Variants in SLC4A5 observed in about 807,000 individuals in gnomAD.
SLC4A5 encodes the protein electrogenic sodium bicarbonate cotransporter 4.
In SLC4A5, 96 loss-of-function variants were observed where a neutral mutation model predicts 120.4. The ratio of observed to expected loss-of-function variants is 0.80; its 90% confidence interval spans 0.68 to 0.94. The LOEUF is 0.94. Ranked by LOEUF, SLC4A5 falls within the 40% of genes least tolerant of loss-of-function variation. The pLI, the probability that SLC4A5 is intolerant of heterozygous loss-of-function variation, is 0.00. For missense variants in SLC4A5, 1,259 were observed against 1,459.5 expected, an observed-to-expected ratio of 0.86 and a Z score of 2.24; for synonymous variants, 550 against 571.1, an observed-to-expected ratio of 0.96 and a Z score of 0.53.
At chr2:74,334,798 A>G (rs1361915190) in intron 3 of SLC4A5, among the ~76,000 whole-genome samples, 8 of 152,030 alleles carry the variant, frequency 5.3e-5, no homozygotes, top group Non-Finnish European at 1.0e-4. Context: ...ATCTACCTCA[A>G]TGGTTATCTG....
At chr2:74,315,602 T>G (rs1312230490) in intron 5 of SLC4A5, among the ~76,000 whole-genome samples, 2 of 150,470 alleles carry the variant, frequency 1.3e-5, no homozygotes, top group Non-Finnish European at 3.0e-5. Context: ...TTTATTATGC[T>G]TATATAATAA....
chr2:74,291,028 G>A (rs1335825507), intron 7 of SLC4A5, among the ~76,000 whole-genome samples: 1 of 152,176 alleles, frequency 6.6e-6, no homozygotes, highest in African/African-American at 2.4e-5. Context: ...AAGGTGGAGT[G>A]GGGTTGCTGG....
At chr2:74,325,464 A>C (rs895956239) in intron 5 of SLC4A5, among the ~76,000 whole-genome samples, 5 of 152,174 alleles carry the variant, frequency 3.3e-5, no homozygotes, top group Non-Finnish European at 7.3e-5. Context: ...AGAAGAACCC[A>C]AACTCCCTGA....
chr2:74,299,513 A>T (rs572390727), intron 7 of SLC4A5, among the ~76,000 whole-genome samples: 1 of 152,346 alleles, frequency 6.6e-6, no homozygotes, highest in African/African-American at 2.4e-5. Context: ...GAGTCCATCA[A>T]GCCTCTTTTT....
chr2:74,234,538 A>G (rs953027662), intron 22 of SLC4A5, among the ~76,000 whole-genome samples: 1 of 152,286 alleles, frequency 6.6e-6, no homozygotes, highest in Admixed American at 6.5e-5. Context: ...CACCAGTTCT[A>G]ACTAGTGGGT....
chr2:74,219,161 T>A (rs115340124), intron 30 of SLC4A5, among the ~76,000 whole-genome samples: 235 of 149,684 alleles, frequency 1.6e-3, no homozygotes, highest in African/African-American at 5.6e-3. Context: ...ATTGCAGTGT[T>A]CTTTGCTCTT....
intron 8 of SLC4A5, among the ~76,000 whole-genome samples, chr2:74,272,607 C>T (rs557484287): frequency 6.6e-6 from 1 of 152,320 alleles, no homozygotes; most frequent in South Asian, 2.1e-4. Flanking sequence ...TGTAGACCCC[C>T]AACTCTGCAT....
At chr2:74,254,652 A>C (rs1285584847) in exon 14 of SLC4A5, 1 of 1,614,114 alleles carries the variant, frequency 6.2e-7, no homozygotes, top group Non-Finnish European at 8.5e-7. Flanking sequence ...TGGCACGGCC[A>C]ATTTCATTGT....
intron 24 of SLC4A5, among the ~76,000 whole-genome samples, chr2:74,231,895 G>A (rs753131203): frequency 6.6e-6 from 1 of 152,144 alleles, no homozygotes; most frequent in Non-Finnish European, 1.5e-5. Context: ...GAAGTTCTTA[G>A]GGCAGCCACG....
intron 8 of SLC4A5, among the ~76,000 whole-genome samples, chr2:74,272,280 C>A (rs74329296): frequency 6.6e-6 from 1 of 152,048 alleles, no homozygotes; most frequent in African/African-American, 2.4e-5. Flanking sequence ...GGTGGGGGTT[C>A]ATTCTGCTAT....
At chr2:74,252,814 CTGGGCTCAAG>C (rs1230511657) in intron 15 of SLC4A5, among the ~76,000 whole-genome samples, 150 bp downstream of exon 15, 5 of 152,340 alleles carry the variant, frequency 3.3e-5, no homozygotes, top group Admixed American at 3.3e-4. Flanking sequence ...TTTCAAACTC[CTGGGCTCAAG>C]TGATCCACCT....
At chr2:74,278,540 C>A (rs1671715464) in intron 8 of SLC4A5, among the ~76,000 whole-genome samples, 1 of 152,182 alleles carries the variant, frequency 6.6e-6, no homozygotes, top group African/African-American at 2.4e-5. Context: ...TTCTGTGTTA[C>A]ACTGCCAGCT....
intron 20 of SLC4A5, 59 bp from the exon 21 acceptor site, chr2:74,239,594 C>G (rs1670373425): frequency 1.3e-6 from 2 of 1,554,040 alleles, no homozygotes; most frequent in Non-Finnish European, 1.8e-6. Flanking sequence ...TCAGCTGTGT[C>G]CTTCCCACTG....
At chr2:74,293,502 G>A (rs1672237022) in intron 7 of SLC4A5, among the ~76,000 whole-genome samples, 1 of 152,142 alleles carries the variant, frequency 6.6e-6, no homozygotes, top group African/African-American at 2.4e-5. Flanking sequence ...TGAGTTAGCT[G>A]GGCCTTTCCT....
intron 7 of SLC4A5, among the ~76,000 whole-genome samples, chr2:74,286,634 T>C (rs1189487990): frequency 6.6e-6 from 1 of 152,228 alleles, no homozygotes; most frequent in Non-Finnish European, 1.5e-5. Flanking sequence ...CTTGAGCATG[T>C]CCTCTAGTGA....
chr2:74,244,451 TTTCC>T (rs1373580448), intron 19 of SLC4A5, among the ~76,000 whole-genome samples: 8 of 110,454 alleles, frequency 7.2e-5, no homozygotes, highest in Admixed American at 1.9e-4. Flanking sequence ...CTTTCTTTTC[TTTCC>T]TTCCTTTTCT....
intron 28 of SLC4A5, 42 bp from the exon 29 acceptor site, chr2:74,222,994 A>C (rs968222173): frequency 4.3e-6 from 6 of 1,391,450 alleles, no homozygotes; most frequent in Non-Finnish European, 5.0e-6. Flanking sequence ...CACCAACACA[A>C]CAATTTGGCT....
chr2:74,314,894 G>T (rs1323125132), intron 6 of SLC4A5, 51 bp downstream of exon 6: 2 of 1,499,704 alleles, frequency 1.3e-6, no homozygotes, highest in Non-Finnish European at 1.9e-6. Context: ...GACATTCAGA[G>T]AATTCTCAGT....
At position 74,255,804 on chromosome 2, in the gene SLC4A5, TC is replaced by T. The variant is rs1429480826; in HGVS notation, c.995del (p.Gly332GlufsTer3). On this transcript the variant is annotated frameshift_variant, in exon 13 of 31. Transcript: ENST00000394019. LOFTEE classifies it high-confidence loss of function. The surrounding 1 kb of genome is among the most constrained non-coding windows in gnomAD (Gnocchi z 4.0). ...TGGGGACAGGCACCTCGGTCACTCC[TC>T]CCAGCATGGCCGACTGGATGAGGCG... 6.2e-7 allele frequency: 1 copy of T among 1,614,158 alleles called. No homozygotes were observed. The highest frequency in any genetic ancestry group is 1.1e-5 in the South Asian group (1 of 91,082).
Sources: gnomAD v4.1 joint callset for allele counts (sites outside exome capture counted in the v4.1 genomes callset) on GRCh38, gnomAD v4.1.1 for gene constraint, Gnocchi (gnomAD v3.1) non-coding constraint, MANE v1.5 for transcripts, NCBI Gene and HGNC (gene_info 2026-07-23, HGNC 2026-07-21) for gene names.